The following NOTCH3 variants were observed in gnomAD, a reference collection of about 807,000 sequenced individuals.
NOTCH3 encodes the protein neurogenic locus notch homolog protein 3.
NOTCH3 carries 86 observed loss-of-function variants against 213.3 expected under a neutral mutation model. The observed-to-expected ratio is 0.40, with a 90% CI of 0.34 to 0.48. The LOEUF is 0.48. Among genes scored for constraint, NOTCH3 ranks in the 20% least tolerant of loss-of-function variants. The pLI is 0.57. For synonymous variants in NOTCH3, 1,354 were observed against 1,355.9 expected (o/e 1.00, Z 0.03); for missense variants, 2,783 against 3,272.6 (o/e 0.85, Z 3.65).
chr19:15,181,870 C>A (rs1018663278), intron 16 of NOTCH3, 69 bp from the exon 17 acceptor site: 1 of 1,328,560 alleles, frequency 7.5e-7, no homozygotes, highest in African/African-American at 1.4e-5. Flanking sequence ...CTGGGATATG[C>A]CTTGGATTGA....
intron 31 of NOTCH3, among the ~76,000 whole-genome samples, chr19:15,164,103 G>A (rs1347978233): frequency 6.6e-6 from 1 of 152,216 alleles, no homozygotes; most frequent in African/African-American, 2.4e-5. Context: ...TTCAGGTGAT[G>A]AAATGTTCTA....
intron 18 of NOTCH3, 24 bp downstream of exon 18, chr19:15,180,937 C>G (rs779496396): frequency 3.6e-5 from 57 of 1,584,146 alleles, no homozygotes; most frequent in Admixed American, 5.4e-5. Context: ...GCTCCTCCCC[C>G]AGGTCCCCAG....
In NOTCH3 at chr19:15,167,330, G is replaced by C. The variant is rs771814027; in HGVS notation, c.5281C>G (p.Arg1761Gly). ...GTCAGTGCCATGGCTGGTGCCACGCGGATGTCAGCAGCAACCAGATGGTGT... is the reference window on the plus strand; with the variant it reads ...GTCAGTGCCATGGCTGGTGCCACGCCGATGTCAGCAGCAACCAGATGGTGT... ...TQHHLVAADI[R>G]VAPAMALTPP... Residue 1761 changes from arginine (R) to glycine (G), a missense_variant, in exon 29 of 33, where the codon CGC becomes GGC. By Grantham distance (125) the Arg-to-Gly change is moderately radical (BLOSUM62 -2). This residue lies in a region of NOTCH3 where 636 missense variants were observed against 801.8 expected (regional missense o/e 0.79). Coordinates refer to ENST00000263388, the MANE Select transcript of NOTCH3 (RefSeq NM_000435.3). 6.2e-7 allele frequency: 1 copy of C among 1,613,212 alleles called. No homozygotes were observed. The highest frequency in any genetic ancestry group is 8.5e-7 in the Non-Finnish European group (1 of 1,180,000).
Position 15,185,539 on chromosome 19 carries a change from G to A in NOTCH3, c.2092C>T (p.Pro698Ser), listed in dbSNP as rs2145430122. The change falls in exon 13 of 33, where the codon CCC (proline) becomes TCC (serine). Residue 698 changes from proline (P) to serine (S), a missense_variant. Pro to Ser is a moderately conservative substitution (Grantham distance 74, BLOSUM62 -1). This residue lies in a region of NOTCH3 where 861 missense variants were observed against 909.1 expected (regional missense o/e 0.95). Transcript: ENST00000263388. This position sits in a 1 kb window ranked among gnomAD's most constrained non-coding sequence, Gnocchi z 4.2. ...TGACTGCAGGGCTCATGGGCACAGG[G>A]ATGGCTCGGGGGGAGGCAGAGTGGG... is the stretch of plus-strand genomic sequence containing the variant. ...LPPLCLPPSH[P>S]CAHEPCSHGI... 1 of 1,613,808 alleles carries A rather than the reference G, an allele frequency of 6.2e-7. No homozygotes were observed. Among genetic ancestry groups the A allele is most frequent in the Non-Finnish European group, 8.5e-7 (1 of 1,180,004 alleles).
intron 28 of NOTCH3, among the ~76,000 whole-genome samples, chr19:15,168,803 C>A (rs1201257035): frequency 6.6e-6 from 1 of 152,110 alleles, no homozygotes; most frequent in Non-Finnish European, 1.5e-5. Context: ...CACTGCACTC[C>A]AGCTTGGGCA....
chr19:15,167,881 A>T (rs1228150778), intron 28 of NOTCH3, among the ~76,000 whole-genome samples: 2 of 103,414 alleles, frequency 1.9e-5, no homozygotes, highest in African/African-American at 7.7e-5. Flanking sequence ...AGGAAGACAC[A>T]AGGTTTCTTT....
At chr19:15,167,527 C>A (rs1404042589) in intron 28 of NOTCH3, 116 bp from the exon 29 acceptor site, 1 of 891,960 alleles carries the variant, frequency 1.1e-6, no homozygotes. Context: ...ACACACAGAG[C>A]CCTGGGAAAT....
In NOTCH3 at chr19:15,184,445, G is replaced by A. The variant is rs1251987844; in HGVS notation, c.2416C>T (p.Arg806Ter). ...CACTCGTCCACATCCTGCTGGCATC[G>A]TGGGCCTGGGGGTAGGGAGCAAGGT... ...CSCPQGWQGPRCQQDVDECAG... is the reference protein window; with the variant it reads ...CSCPQGWQGP Residue 806 changes from arginine to a stop codon, truncating the protein, a stop_gained, in exon 16 of 33, where the codon CGA becomes TGA. Transcript: ENST00000263388. LOFTEE classifies it high-confidence loss of function. 3 of 1,613,676 alleles carry A rather than the reference G, an allele frequency of 1.9e-6. No homozygotes were observed. Among genetic ancestry groups the A allele is most frequent in the Admixed American group, 1.7e-5 (1 of 59,988 alleles).
intron 1 of NOTCH3, among the ~76,000 whole-genome samples, chr19:15,200,028 G>A (rs2046999245): frequency 7.4e-6 from 1 of 135,490 alleles, no homozygotes; most frequent in Non-Finnish European, 1.6e-5. Context: ...CCCGAGCGGG[G>A]GAGGGGAGGG....
chr19:15,182,634 C>CTTTTAT (rs1004666193), intron 16 of NOTCH3, among the ~76,000 whole-genome samples: 4 of 150,456 alleles, frequency 2.7e-5, no homozygotes, highest in African/African-American at 7.4e-5. Context: ...TATTTATTTA[C>CTTTTAT]TTTTATTTTT....
At chr19:15,162,893 G>A (rs117680809) in intron 31 of NOTCH3, among the ~76,000 whole-genome samples, 4,084 of 151,978 alleles carry the variant, frequency 0.027, 73 homozygotes, top group Middle Eastern at 0.068. Context: ...AGTCACATGT[G>A]GTTTTTATTT....
intron 16 of NOTCH3, among the ~76,000 whole-genome samples, chr19:15,182,376 G>A (rs1407340505): frequency 1.3e-5 from 2 of 151,990 alleles, no homozygotes; most frequent in African/African-American, 4.8e-5. Context: ...GCATGATGGT[G>A]CACACCTGTA....
At chr19:15,195,939 G>T (rs533531047) in intron 2 of NOTCH3, among the ~76,000 whole-genome samples, 1 of 151,294 alleles carries the variant, frequency 6.6e-6, no homozygotes, top group African/African-American at 2.4e-5. Flanking sequence ...CCTAGTTAGG[G>T]GGGGCACGGC....
At chr19:15,197,687 G>T in intron 1 of NOTCH3, 109 bp from the exon 2 acceptor site, 1 of 890,632 alleles carries the variant, frequency 1.1e-6, no homozygotes, top group East Asian at 2.7e-5. Flanking sequence ...CATGGGGATG[G>T]GGGCGTCTCT....
chr19:15,184,238 C>G, intron 16 of NOTCH3, 57 bp downstream of exon 16: 2 of 1,531,510 alleles, frequency 1.3e-6, no homozygotes, highest in Middle Eastern at 1.7e-4. Context: ...GCACACAGTT[C>G]AAGCTTAATG....
rs181930934 is a variant in NOTCH3 at position 15,160,356 on chromosome 19, G to A, written c.*306C>T. The stretch of plus-strand genomic sequence containing the variant: ...AATAATAATTCATTCATGTCAGAGT[G>A]TAAGGAAATGAGAGGCCAGAAGGAG... On this transcript the variant is annotated 3_prime_UTR_variant, in exon 33 of 33. Coordinates refer to ENST00000263388, the MANE Select transcript of NOTCH3 (RefSeq NM_000435.3). 3.3e-4 allele frequency: 128 copies of A among 390,610 alleles called. No individual in the cohort carries two copies. The highest frequency in any genetic ancestry group is 1.0e-3 in the Admixed American group (24 of 24,056). The allele number at this position is 390,610 out of a possible 1,614,324, so 24.2% of individuals were successfully genotyped here.
Position 15,185,735 on chromosome 19 carries a change from G to T in NOTCH3, c.1952-56C>A. The T allele has an allele frequency of 6.4e-7, 1 of 1,573,548 alleles. No individual in the cohort carries two copies. ...AACAAAGTCAGCAGGGACAACCAGGGAGGGACGACGTGACCCCACTTAGCA... is the reference window on the plus strand; with the variant it reads ...AACAAAGTCAGCAGGGACAACCAGGTAGGGACGACGTGACCCCACTTAGCA... On this transcript the variant is annotated intron_variant, in intron 12 of 32. Coordinates refer to ENST00000263388, the MANE Select transcript of NOTCH3 (RefSeq NM_000435.3). The surrounding 1 kb of genome is among the most constrained non-coding windows in gnomAD (Gnocchi z 4.2).
At position 15,185,198 on chromosome 19, in the gene NOTCH3, A is replaced by G. The variant is rs1424656982; in HGVS notation, c.2296+59T>C. The G allele has an allele frequency of 6.3e-7, 1 of 1,588,760 alleles. No individual in the cohort carries two copies. Among genetic ancestry groups the G allele is most frequent in the Non-Finnish European group, 8.6e-7 (1 of 1,158,560 alleles). On this transcript the variant is annotated intron_variant, in intron 14 of 32. Transcript: ENST00000263388. This position sits in a 1 kb window ranked among gnomAD's most constrained non-coding sequence, Gnocchi z 4.2. ...TAGCGGGAGGAGAGAGTAGAGGAGA[A>G]GAGAGATGAGAAGGCCCATGGTGTT...
chr19:15,165,546 G>A lies in NOTCH3; in HGVS notation c.5668-31C>T, dbSNP rs1039276993. 1.9e-6 allele frequency: 3 copies of A among 1,607,172 alleles called. No homozygotes were observed. Among genetic ancestry groups the A allele is most frequent in the Non-Finnish European group, 1.7e-6 (2 of 1,179,726 alleles). Reference sequence around the variant, plus strand: ...ACAGAGAGTGGATGCAGCAGGAGGGGTCATGGCAGGAACAGAGGAATCAGG... The same window carrying A: ...ACAGAGAGTGGATGCAGCAGGAGGGATCATGGCAGGAACAGAGGAATCAGG... On this transcript the variant is annotated intron_variant, in intron 30 of 32. Coordinates refer to ENST00000263388, the MANE Select transcript of NOTCH3 (RefSeq NM_000435.3). This position sits in a 1 kb window ranked among gnomAD's most constrained non-coding sequence, Gnocchi z 4.7.
Sources: gnomAD v4.1 joint callset for allele counts (sites outside exome capture counted in the v4.1 genomes callset) on GRCh38, gnomAD v4.1.1 for gene constraint, gnomAD v4.1.1 regional missense constraint, Gnocchi (gnomAD v3.1) non-coding constraint, MANE v1.5 for transcripts, NCBI Gene and HGNC (gene_info 2026-07-23, HGNC 2026-07-21) for gene names.